Variants in ANKRD28 observed in about 807,000 individuals in gnomAD.
ANKRD28 encodes the protein serine/threonine-protein phosphatase 6 regulatory ankyrin repeat subunit A.
In ANKRD28, 44 loss-of-function variants were observed where a neutral mutation model predicts 126.5. The ratio of observed to expected loss-of-function variants is 0.35; its 90% confidence interval spans 0.27 to 0.45. The LOEUF (loss-of-function observed/expected upper bound fraction) is 0.45. ANKRD28 is among the 20% of genes least tolerant of loss of function. The pLI is 1.00. For synonymous variants in ANKRD28, 442 were observed against 468.5 expected (o/e 0.94, Z 0.73); for missense variants, 1,110 against 1,316.6 (o/e 0.84, Z 2.43).
intron 4 of ANKRD28, among the ~76,000 whole-genome samples, chr3:15,742,475 G>C (rs1226277932): frequency 1.4e-5 from 2 of 141,988 alleles, no homozygotes; most frequent in Non-Finnish European, 3.1e-5. Flanking sequence ...CGCCCCGTCT[G>C]AGAAGTGAGG....
intron 6 of ANKRD28, among the ~76,000 whole-genome samples, chr3:15,734,456 T>C (rs76097935): frequency 0.01 from 1,571 of 152,340 alleles, 19 homozygotes; most frequent in South Asian, 0.054. Flanking sequence ...TGTCAGTTCA[T>C]ATGTGCTTTT....
chr3:15,712,299 A>C, intron 10 of ANKRD28, 77 bp from the exon 11 acceptor site: 1 of 1,184,220 alleles, frequency 8.4e-7, no homozygotes, highest in Non-Finnish European at 1.2e-6. Flanking sequence ...TTACAAAGAG[A>C]CCACTTAAGT....
chr3:15,679,575 T>TA lies in ANKRD28; in HGVS notation c.2390-13dup. ...ACATGTCTCGTGACCTAAATAGGTG[T>TA]AAAGAACCAGGTATTAAAATTCAAA... is the stretch of plus-strand genomic sequence containing the variant. On this transcript the variant is annotated splice_polypyrimidine_tract_variant and intron_variant, in intron 21 of 27. Transcript: ENST00000683139. The TA allele has an allele frequency of 1.3e-6, 2 of 1,598,554 alleles. No individual in the cohort carries two copies. The highest frequency in any genetic ancestry group is 1.7e-4 in the Middle Eastern group (1 of 6,004).
intron 3 of ANKRD28, among the ~76,000 whole-genome samples, chr3:15,761,792 A>C (rs1308927771): frequency 6.6e-6 from 1 of 152,176 alleles, no homozygotes; most frequent in African/African-American, 2.4e-5. Flanking sequence ...TTTCAATTTA[A>C]AGAGTTAATA....
chr3:15,797,739 T>C lies in ANKRD28; in HGVS notation c.-1218A>G. The C allele has an allele frequency of 1.0e-6, 1 of 985,350 alleles. No homozygotes were observed. The highest frequency in any genetic ancestry group is 1.2e-6 in the Non-Finnish European group (1 of 829,914). 61.0% of individuals were successfully genotyped at this position (985,350 alleles called of 1,614,324 possible). A position where few individuals can be genotyped will look rare whatever the true frequency, so the allele number is the denominator to read the frequency against. On this transcript the variant is annotated 5_prime_UTR_variant, in exon 1 of 28. Coordinates refer to ENST00000683139, the MANE Select transcript of ANKRD28 (RefSeq NM_001349278.2). ...TGCCTCTTTGCCAATATAGTTTCCTTCCACTGTGAAAACCGCCACAGTTAT... is the reference window on the plus strand; with the variant it reads ...TGCCTCTTTGCCAATATAGTTTCCTCCCACTGTGAAAACCGCCACAGTTAT...
chr3:15,793,307 T>C (rs750014224), intron 2 of ANKRD28, among the ~76,000 whole-genome samples: 1 of 152,162 alleles, frequency 6.6e-6, no homozygotes, highest in Non-Finnish European at 1.5e-5. Context: ...ATCTTGACTT[T>C]AAGGCAACAC....
intron 14 of ANKRD28, among the ~76,000 whole-genome samples, chr3:15,704,539 T>C (rs1212518233): frequency 1.3e-5 from 2 of 152,244 alleles, no homozygotes; most frequent in East Asian, 1.9e-4. Flanking sequence ...CAAATGTACA[T>C]TACTGAATAA....
chr3:15,728,359 A>G (rs902233759), intron 6 of ANKRD28, among the ~76,000 whole-genome samples: 2 of 152,154 alleles, frequency 1.3e-5, no homozygotes, highest in Non-Finnish European at 2.9e-5. Flanking sequence ...CAGTGGTGTG[A>G]TCAATCTCAC....
At chr3:15,729,903 T>A (rs1009862210) in intron 6 of ANKRD28, among the ~76,000 whole-genome samples, 3 of 152,196 alleles carry the variant, frequency 2.0e-5, no homozygotes, top group East Asian at 1.9e-4. Context: ...AATTAAAAAA[T>A]TTTTGAGACG....
chr3:15,685,041 T>G (rs2067951086), intron 21 of ANKRD28, 185 bp downstream of exon 21: 1 of 606,778 alleles, frequency 1.6e-6, no homozygotes, highest in South Asian at 2.0e-5. Flanking sequence ...ACTAGTGTCT[T>G]GGCTTTAGCA....
chr3:15,848,664 A>G (rs964280228), intron 1 of ANKRD28, among the ~76,000 whole-genome samples: 3 of 152,008 alleles, frequency 2.0e-5, no homozygotes, highest in African/African-American at 7.3e-5. Flanking sequence ...TGACAAAGTG[A>G]GACCTTAACT....
intron 25 of ANKRD28, among the ~76,000 whole-genome samples, 197 bp from the exon 26 acceptor site, chr3:15,677,253 A>C (rs1437594893): frequency 6.6e-6 from 1 of 152,182 alleles, no homozygotes; most frequent in African/African-American, 2.4e-5. Flanking sequence ...AATTAAGATT[A>C]AGGAAAGAGG....
At chr3:15,770,421 T>C (rs2058942159) in intron 2 of ANKRD28, among the ~76,000 whole-genome samples, 1 of 150,530 alleles carries the variant, frequency 6.6e-6, no homozygotes, top group African/African-American at 2.4e-5. Context: ...TACATATATA[T>C]ATATATATTA....
At chr3:15,736,753 T>C (rs1465946221) in intron 5 of ANKRD28, among the ~76,000 whole-genome samples, 1 of 152,262 alleles carries the variant, frequency 6.6e-6, no homozygotes, top group African/African-American at 2.4e-5. Context: ...CATATCTCTG[T>C]CTTCACATAT....
rs1430947325 is a variant in ANKRD28, at chr3:15,796,427, G to T, written c.95C>A (p.Ser32Tyr). 1.6e-6 allele frequency: 2 copies of T among 1,287,696 alleles called. No homozygotes were observed. The highest frequency in any genetic ancestry group is 4.6e-5 in the Admixed American group (2 of 43,452). The allele number at this position is 1,287,696 out of a possible 1,614,324, so 79.8% of individuals were successfully genotyped here. ...KLPQENKSLH[S>Y]PPSGNVLPSL... Reference sequence around the variant, plus strand: ...TACCAATACATTTCCAGAAGGTGGAGAATGTAGGGATTTATTTTCCTGTGG... The same window carrying T: ...TACCAATACATTTCCAGAAGGTGGATAATGTAGGGATTTATTTTCCTGTGG... The change falls in exon 1 of 28, where the codon TCT becomes TAT. Residue 32 changes from serine (S) to tyrosine (Y), a missense_variant. Transcript: ENST00000683139.
rs765460534 is a variant in ANKRD28, at chr3:15,795,297, C to A, written c.127G>T (p.Val43Leu). Residue 43 changes from valine (V) to leucine (L), a missense_variant, in exon 2 of 28, where the codon GTG becomes TTG. Val to Leu is a conservative substitution (Grantham distance 32). Coordinates refer to ENST00000683139, the MANE Select transcript of ANKRD28 (RefSeq NM_001349278.2). ...GGATCTCCGTTAAATATAGCTTGCACCAGTGATGGCTAAAATAGAAGAGAG... is the reference window on the plus strand; with the variant it reads ...GGATCTCCGTTAAATATAGCTTGCAACAGTGATGGCTAAAATAGAAGAGAG... ...PPSGNVLPSL[V>L]QAIFNGDPDE... 6.2e-7 allele frequency: 1 copy of A among 1,608,018 alleles called. No homozygotes were observed. Among genetic ancestry groups the A allele is most frequent in the Non-Finnish European group, 8.5e-7 (1 of 1,174,952 alleles).
At chr3:15,714,545 A>AAG in intron 9 of ANKRD28, 33 bp downstream of exon 9, 1 of 1,502,798 alleles carries the variant, frequency 6.7e-7, no homozygotes, top group Non-Finnish European at 8.9e-7. Context: ...AAAAAAAAAA[A>AAG]AACCCCAAAA....
chr3:15,846,254 T>C lies in ANKRD28; in HGVS notation c.27+13123A>G, dbSNP rs993577570. Among the ~76,000 whole-genome samples, 12 of 152,360 alleles carry C rather than the reference T, an allele frequency of 7.9e-5. No individual in the cohort carries two copies. Among genetic ancestry groups the C allele is most frequent in the African/African-American group, 2.9e-4 (12 of 41,584 alleles). Reference sequence around the variant, plus strand: ...GGTACAGGCATTGGGTAAACGTTCCTGTTCCAATGGGAGACACTGGCCAAA... The same window carrying C: ...GGTACAGGCATTGGGTAAACGTTCCCGTTCCAATGGGAGACACTGGCCAAA... On this transcript the variant is annotated intron_variant, in intron 1 of 27. Transcript: ENST00000399451. This position sits in a 1 kb window ranked among gnomAD's most constrained non-coding sequence, Gnocchi z 5.4.
At chr3:15,701,935 G>A (rs192965005) in intron 14 of ANKRD28, among the ~76,000 whole-genome samples, 2 of 152,060 alleles carry the variant, frequency 1.3e-5, no homozygotes, top group Admixed American at 1.3e-4. Context: ...TTACCCAAGG[G>A]CATTTAAAAA....
Sources: gnomAD v4.1 joint callset for allele counts (sites outside exome capture counted in the v4.1 genomes callset) on GRCh38, gnomAD v4.1.1 for gene constraint, Gnocchi (gnomAD v3.1) non-coding constraint, MANE v1.5 for transcripts, NCBI Gene and HGNC (gene_info 2026-07-23, HGNC 2026-07-21) for gene names.